Variants in NCALD observed in about 807,000 individuals in gnomAD.
NCALD encodes neurocalcin-delta.
A neutral mutation model predicts 18.6 loss-of-function variants in NCALD; 10 were observed. The ratio of observed to expected loss-of-function variants is 0.54; its 90% CI spans 0.33 to 0.91. The LOEUF is 0.91. Among genes scored for constraint, NCALD ranks in the 40% least tolerant of loss-of-function variants. NCALD has a pLI of 0.03. For missense variants in NCALD, 184 were observed against 247.6 expected (o/e 0.74, Z 1.72); for synonymous variants, 88 against 87.4 (o/e 1.01, Z -0.04).
At chr8:101,868,908 T>C (rs1485642554) in intron 4 of NCALD, among the ~76,000 whole-genome samples, 1 of 152,266 alleles carries the variant, frequency 6.6e-6, no homozygotes, top group Non-Finnish European at 1.5e-5. Flanking sequence ...GCTGTGTATT[T>C]TGTCTAATTC....
Position 101,689,365 on chromosome 8 carries a change from C to T in NCALD, c.526G>A (p.Asp176Asn), listed in dbSNP as rs772996229. Residue 176 changes from aspartate to asparagine, a missense_variant, in exon 4 of 4, where the codon GAC becomes AAC. Asp to Asn is a conservative substitution (Grantham distance 23). Coordinates refer to ENST00000220931, the MANE Select transcript of NCALD (RefSeq NM_032041.3). The surrounding 1 kb of genome is among the most constrained non-coding windows in gnomAD (Gnocchi z 4.4). ...LEEFIRGAKS[D>N]PSIVRLLQCD... ...TGCAGGAGGCGCACAATGGACGGGT[C>T]GCTTTTGGCTCCTCGGATGAACTCT... 1 of 1,612,926 alleles carries T rather than the reference C, an allele frequency of 6.2e-7. No homozygotes were observed. Among genetic ancestry groups the T allele is most frequent in the Non-Finnish European group, 8.5e-7 (1 of 1,179,490 alleles).
intron 1 of NCALD, among the ~76,000 whole-genome samples, chr8:102,066,251 C>T (rs1824005164): frequency 6.6e-6 from 1 of 152,198 alleles, no homozygotes; most frequent in Admixed American, 6.5e-5. Context: ...AGAGCCACTC[C>T]CTCCTCACTC....
chr8:101,961,016 T>G (rs1406978275), intron 2 of NCALD, among the ~76,000 whole-genome samples: 1 of 152,136 alleles, frequency 6.6e-6, no homozygotes, highest in Non-Finnish European at 1.5e-5. Flanking sequence ...CATCACTATC[T>G]AAAGGATCAC....
intron 4 of NCALD, among the ~76,000 whole-genome samples, chr8:101,856,043 C>A (rs1012447585): frequency 1.3e-5 from 2 of 152,182 alleles, no homozygotes; most frequent in Non-Finnish European, 2.9e-5. Flanking sequence ...CTGCAGGACA[C>A]CAGGGGTTCC....
At chr8:101,924,758 A>G (rs946191994) in intron 2 of NCALD, among the ~76,000 whole-genome samples, 2 of 152,194 alleles carry the variant, frequency 1.3e-5, no homozygotes, top group South Asian at 2.1e-4. Context: ...ACACTGCTCC[A>G]TTTTACACAA....
intron 2 of NCALD, among the ~76,000 whole-genome samples, chr8:101,988,306 A>T (rs1027044630): frequency 6.6e-6 from 1 of 152,224 alleles, no homozygotes; most frequent in Non-Finnish European, 1.5e-5. Flanking sequence ...TATACAACAG[A>T]TTAACATATG....
At position 101,938,325 on chromosome 8, in the gene NCALD, T is replaced by C. The variant is rs1177852798; in HGVS notation, c.-156-22467A>G. On this transcript the variant is annotated intron_variant, in intron 2 of 6. Transcript: ENST00000311028. ...TTGCATTTAACCTTTATAATACTCTTATGAATACACTCTTATGCCCACTTA... is the reference window on the plus strand; with the variant it reads ...TTGCATTTAACCTTTATAATACTCTCATGAATACACTCTTATGCCCACTTA... Among the ~76,000 whole-genome samples the C allele has an allele frequency of 2.6e-5, 4 of 152,216 alleles. No individual in the cohort carries two copies. The East Asian group carries it at 7.7e-4, about 29-fold the overall frequency.
At chr8:101,882,841 G>A (rs1015890884) in intron 4 of NCALD, among the ~76,000 whole-genome samples, 1 of 152,130 alleles carries the variant, frequency 6.6e-6, no homozygotes, top group Non-Finnish European at 1.5e-5. Context: ...CTTCATAAAA[G>A]ACAGGCACAG....
intron 1 of NCALD, among the ~76,000 whole-genome samples, chr8:101,745,038 G>A (rs2130728277): frequency 6.7e-6 from 1 of 150,246 alleles, no homozygotes; most frequent in Admixed American, 6.6e-5. Flanking sequence ...GCATTTCTGG[G>A]GGGTAGGGTG....
intron 2 of NCALD, among the ~76,000 whole-genome samples, chr8:102,014,985 T>A (rs2132078918): frequency 6.6e-6 from 1 of 152,240 alleles, no homozygotes; most frequent in South Asian, 2.1e-4. Context: ...GGACCACCCT[T>A]TGAATACCAA....
intron 1 of NCALD, among the ~76,000 whole-genome samples, chr8:102,035,533 T>TAGTCC: frequency 6.6e-6 from 1 of 152,310 alleles, no homozygotes; most frequent in South Asian, 2.1e-4. Flanking sequence ...GAGGTCTCCA[T>TAGTCC]AGTCCAGAGA....
intron 4 of NCALD, among the ~76,000 whole-genome samples, chr8:101,856,496 T>C (rs1815326954): frequency 2.0e-5 from 3 of 152,154 alleles, no homozygotes; most frequent in Non-Finnish European, 2.9e-5. Context: ...CAGCCTGATC[T>C]TACATGTTTC....
At chr8:102,051,792 C>T (rs1039132030) in intron 1 of NCALD, among the ~76,000 whole-genome samples, 8 of 152,136 alleles carry the variant, frequency 5.3e-5, no homozygotes, top group African/African-American at 1.9e-4. Context: ...GTGTGCCATG[C>T]AAAATCCAAA....
At chr8:101,911,256 G>C (rs1223104821) in intron 3 of NCALD, among the ~76,000 whole-genome samples, 1 of 150,114 alleles carries the variant, frequency 6.7e-6, no homozygotes, top group African/African-American at 2.4e-5. Context: ...GAAAAATATA[G>C]GCATGTAGAG....
intron 3 of NCALD, among the ~76,000 whole-genome samples, chr8:101,888,142 G>A (rs1287305897): frequency 1.3e-5 from 2 of 152,228 alleles, no homozygotes; most frequent in African/African-American, 4.8e-5. Flanking sequence ...GCTTATCCCT[G>A]GAGGTAAGAG....
At chr8:102,007,309 T>A (rs1821749710) in intron 2 of NCALD, among the ~76,000 whole-genome samples, 2 of 152,248 alleles carry the variant, frequency 1.3e-5, no homozygotes, top group Non-Finnish European at 2.9e-5. Context: ...GTACTACATT[T>A]GCAACATTTT....
chr8:101,869,485 C>T (rs1367773061), intron 4 of NCALD, among the ~76,000 whole-genome samples: 4 of 152,098 alleles, frequency 2.6e-5, no homozygotes, highest in Admixed American at 2.6e-4. Context: ...TCTTCAGAAC[C>T]ACAAGATAAT....
intron 4 of NCALD, among the ~76,000 whole-genome samples, chr8:101,868,492 T>C (rs1044685413): frequency 6.6e-6 from 1 of 152,102 alleles, no homozygotes; most frequent in Non-Finnish European, 1.5e-5. Flanking sequence ...GGACCAAAGG[T>C]TACTCCCTTT....
chr8:102,056,987 C>T lies in NCALD; in HGVS notation c.-209-36698G>A, dbSNP rs76695097. 4.4e-3 allele frequency among the ~76,000 whole-genome samples: 673 copies of T among 152,316 alleles called. 5 individuals are homozygous for T. The highest frequency in any genetic ancestry group is 0.016 in the African/African-American group (654 of 41,568). On this transcript the variant is annotated intron_variant, in intron 1 of 6. Coordinates refer to the NCALD transcript ENST00000311028. ...AGAAGAAAGTGGAGTCTGACAGTAA[C>T]TGCTACAAAGTTTTCACCAAGAGCC...
Sources: gnomAD v4.1 joint callset for allele counts (sites outside exome capture counted in the v4.1 genomes callset) on GRCh38, gnomAD v4.1.1 for gene constraint, Gnocchi (gnomAD v3.1) non-coding constraint, MANE v1.5 for transcripts, NCBI Gene and HGNC (gene_info 2026-07-23, HGNC 2026-07-21) for gene names.